Variants in TRIM28 observed in about 807,000 individuals in gnomAD.
TRIM28 encodes tripartite motif containing 28.
A neutral mutation model predicts 87.4 loss-of-function variants in TRIM28; 8 were observed. The observed-to-expected ratio is 0.09, with a 90% CI of 0.05 to 0.17. The LOEUF (loss-of-function observed/expected upper bound fraction) is 0.17, where lower values mean the gene tolerates loss of function less well. Among genes scored for constraint, TRIM28 ranks in the 10% least tolerant of loss-of-function variants. The pLI, the probability that TRIM28 is intolerant of heterozygous loss-of-function variation, is 1.00. For synonymous variants in TRIM28, 601 were observed against 454.3 expected (o/e 1.32, Z -4.11); for missense variants, 968 against 1,131.8 (o/e 0.86, Z 2.08).
In TRIM28 at chr19:58,547,706, C is replaced by T. The variant is rs2053773630; in HGVS notation, c.832C>T (p.Arg278Cys). ...ATTGCAGAAGAGCACCAAGGAGGTT[C>T]GCAGCTCGTAAGTGTGGGTTCTGGG... Reference protein sequence around the residue: ...ATLQKSTKEVRSSIRQVSDVQ... With the variant: ...ATLQKSTKEVCSSIRQVSDVQ... Residue 278 changes from arginine (R) to cysteine (C), a missense_variant, in exon 5 of 17, where the codon CGC becomes TGC. By Grantham distance (180) the Arg-to-Cys change is radical. Transcript: ENST00000253024. 8 of 1,614,072 alleles carry T rather than the reference C, an allele frequency of 5.0e-6. No individual in the cohort carries two copies. Among genetic ancestry groups the T allele is most frequent in the Non-Finnish European group, 5.9e-6 (7 of 1,180,024 alleles).
In TRIM28 at chr19:58,550,480, C is replaced by T. The variant is rs200265199; in HGVS notation, c.2435C>T (p.Pro812Leu). The change falls in exon 17 of 17, where the codon CCC becomes CTC. Residue 812 changes from proline to leucine, a missense_variant. By Grantham distance (98) the Pro-to-Leu change is moderately conservative. Around this residue, in one of 11 missense-constraint regions of TRIM28, gnomAD observed 192 missense variants for 225.6 expected, o/e 0.85. Coordinates refer to ENST00000253024, the MANE Select transcript of TRIM28 (RefSeq NM_005762.3). Reference sequence around the variant, plus strand: ...AAGTTCTCTGCTGTGCTGGTGGAGCCCCCGCCGATGAGCCTGCCTGGTGCT... The same window carrying T: ...AAGTTCTCTGCTGTGCTGGTGGAGCTCCCGCCGATGAGCCTGCCTGGTGCT... ...DTKFSAVLVEPPPMSLPGAGL... is the reference protein window; with the variant it reads ...DTKFSAVLVELPPMSLPGAGL... 1 of 1,612,556 alleles carries T rather than the reference C, an allele frequency of 6.2e-7. No individual in the cohort carries two copies. The highest frequency in any genetic ancestry group is 8.5e-7 in the Non-Finnish European group (1 of 1,179,972).
rs1366499037 is a variant in TRIM28, at chr19:58,545,490, C to T, written c.406C>T (p.Arg136Cys). Residue 136 changes from arginine to cysteine, a missense_variant, in exon 2 of 17, where the codon CGT becomes TGT. This residue lies in a region of TRIM28 where 51 missense variants were observed against 69.3 expected (regional missense o/e 0.74). Coordinates refer to ENST00000253024, the MANE Select transcript of TRIM28 (RefSeq NM_005762.3). ...SKDIVENYFM[R>C]DSGSKAATDA... ...AGACATCGTGGAGAATTATTTCATGCGTGATAGTGGCAGCAAGGCTGCCAC... is the reference window on the plus strand; with the variant it reads ...AGACATCGTGGAGAATTATTTCATGTGTGATAGTGGCAGCAAGGCTGCCAC... 3 of 1,604,418 alleles carry T rather than the reference C, an allele frequency of 1.9e-6. No individual in the cohort carries two copies. The highest frequency in any genetic ancestry group is 1.1e-5 in the South Asian group (1 of 90,974).
intron 3 of TRIM28, 191 bp from the exon 4 acceptor site, chr19:58,547,185 G>GAGAAGCTAGAAGAAAGGGATGT: frequency 6.3e-6 from 4 of 638,386 alleles, no homozygotes; most frequent in Non-Finnish European, 1.1e-5. Context: ...CAGCTATGTT[G>GAGAAGCTAGAAGAAAGGGATGT]GGGCAGAGGA....
At chr19:58,546,917 G>A (rs907378932) in intron 3 of TRIM28, among the ~76,000 whole-genome samples, 1 of 152,098 alleles carries the variant, frequency 6.6e-6, no homozygotes, top group Non-Finnish European at 1.5e-5. Flanking sequence ...CCCTTGGATT[G>A]TAAGAGACCC....
chr19:58,544,974 C>T lies in TRIM28; in HGVS notation c.217C>T (p.Arg73Ter), dbSNP rs1256391898. Reference protein sequence around the residue: ...EHCGVCRERLRPEREPRLLPC... With the variant: ...EHCGVCRERL ...CTGCGGCGTGTGCAGAGAGCGCCTG[C>T]GACCCGAGAGGGAGCCCCGCCTGCT... The change falls in exon 1 of 17, where the codon CGA becomes TGA. Residue 73 changes from arginine (R) to a stop codon, truncating the protein, a stop_gained. Transcript: ENST00000253024. LOFTEE classifies it high-confidence loss of function. The T allele has an allele frequency of 6.6e-7, 1 of 1,514,262 alleles. No homozygotes were observed. The highest frequency in any genetic ancestry group is 2.2e-5 in the Admixed American group (1 of 46,126). 93.8% of individuals were successfully genotyped at this position (1,514,262 alleles called of 1,614,324 possible).
chr19:58,545,105 C>G lies in TRIM28; in HGVS notation c.340+8C>G, dbSNP rs1017287246. On this transcript the variant is annotated splice_region_variant and intron_variant, in intron 1 of 16. Coordinates refer to ENST00000253024, the MANE Select transcript of TRIM28 (RefSeq NM_005762.3). ...CGGCGGGCGACGGCACCGGTAAGTACGAAGTGATCGGTGCCACCCCTCCCC... is the reference window on the plus strand; with the variant it reads ...CGGCGGGCGACGGCACCGGTAAGTAGGAAGTGATCGGTGCCACCCCTCCCC... 17 of 1,410,404 alleles carry G rather than the reference C, an allele frequency of 1.2e-5. No homozygotes were observed. The African/African-American group carries it at 2.1e-4, about 17-fold the overall frequency. 87.4% of individuals were successfully genotyped at this position (1,410,404 alleles called of 1,614,324 possible).
At position 58,548,281 on chromosome 19, in the gene TRIM28, C is replaced by T; in HGVS notation, c.1102-13C>T. The T allele has an allele frequency of 6.2e-7, 1 of 1,614,006 alleles. No homozygotes were observed. Among genetic ancestry groups the T allele is most frequent in the South Asian group, 1.1e-5 (1 of 91,062 alleles). On this transcript the variant is annotated splice_polypyrimidine_tract_variant and intron_variant, in intron 7 of 16. Transcript: ENST00000253024. Reference sequence around the variant, plus strand: ...GGTGTGCTCATTCTTTCCTCCCTTTCACTCCCAACCAGATCTACTTCCAGC... The same window carrying T: ...GGTGTGCTCATTCTTTCCTCCCTTTTACTCCCAACCAGATCTACTTCCAGC...
At position 58,548,793 on chromosome 19, in the gene TRIM28, A is replaced by G; in HGVS notation, c.1360+17A>G. 2 of 1,613,994 alleles carry G rather than the reference A, an allele frequency of 1.2e-6. No individual in the cohort carries two copies. Among genetic ancestry groups the G allele is most frequent in the Non-Finnish European group, 1.7e-6 (2 of 1,179,948 alleles). On this transcript the variant is annotated intron_variant, in intron 10 of 16. Transcript: ENST00000253024. ...TTGGGTCAGGTGAGTGGGTCTGCCT[A>G]GTGGGTGGGGAAGGGCCCCAGTGCT...
rs2053779376 is a variant in TRIM28, at chr19:58,548,291, C to G, written c.1102-3C>G. 1 of 1,613,962 alleles carries G rather than the reference C, an allele frequency of 6.2e-7. No homozygotes were observed. Among genetic ancestry groups the G allele is most frequent in the Admixed American group, 1.7e-5 (1 of 60,002 alleles). ...TTCTTTCCTCCCTTTCACTCCCAAC[C>G]AGATCTACTTCCAGCTGCACCGGGC... On this transcript the variant is annotated splice_polypyrimidine_tract_variant and splice_region_variant and intron_variant, in intron 7 of 16. Coordinates refer to ENST00000253024, the MANE Select transcript of TRIM28 (RefSeq NM_005762.3).
Position 58,548,567 on chromosome 19 carries a change from G to A in TRIM28, c.1298G>A (p.Ser433Asn). 6.2e-7 allele frequency: 1 copy of A among 1,611,798 alleles called. No homozygotes were observed. Among genetic ancestry groups the A allele is most frequent in the Middle Eastern group, 1.7e-4 (1 of 6,048 alleles). The change falls in exon 9 of 17, where the codon AGC becomes AAC. Residue 433 changes from serine to asparagine, a missense_variant. Ser to Asn is a conservative substitution (Grantham distance 46). Coordinates refer to ENST00000253024, the MANE Select transcript of TRIM28 (RefSeq NM_005762.3). ...MAPPRAPGPL[S>N]KQGSGSSQPM... ...CCTCCAAGAGCCCCAGGGCCCCTGA[G>A]CAAGCAGGGCTCTGGCAGCAGCCAG...
rs1391037859 is a variant in TRIM28 at position 58,549,565 on chromosome 19, A to C, written c.1897A>C (p.Lys633Gln). 1 of 1,614,074 alleles carries C rather than the reference A, an allele frequency of 6.2e-7. No individual in the cohort carries two copies. The highest frequency in any genetic ancestry group is 8.5e-7 in the Non-Finnish European group (1 of 1,179,992). ...DSATICRVCQ[K>Q]PGDLVMCNQC... Reference sequence around the variant, plus strand: ...TGCCACCATTTGCCGTGTCTGCCAGAAGCCAGGCGATCTGGTTATGTGCAA... The same window carrying C: ...TGCCACCATTTGCCGTGTCTGCCAGCAGCCAGGCGATCTGGTTATGTGCAA... The change falls in exon 13 of 17, where the codon AAG becomes CAG. Residue 633 changes from lysine (K) to glutamine (Q), a missense_variant. By Grantham distance (53) the Lys-to-Gln change is moderately conservative (BLOSUM62 1). Around this residue, in one of 11 missense-constraint regions of TRIM28, gnomAD observed 164 missense variants for 146.2 expected, o/e 1.12. Transcript: ENST00000253024. The surrounding 1 kb of genome is among the most constrained non-coding windows in gnomAD (Gnocchi z 4.4).
At position 58,544,796 on chromosome 19, in the gene TRIM28, C is replaced by G. The variant is rs11546268; in HGVS notation, c.39C>G (p.Ala13=). The change falls in exon 1 of 17, where the codon GCC becomes GCG. Residue 13 remains alanine, a synonymous_variant. Transcript: ENST00000253024. ...ASAAAASAAA[A]SAASGSPGPG... is the part of the protein sequence containing the mutation. ...CGGCGGCAGCCTCGGCAGCAGCGGCCTCGGCCGCCTCTGGCAGCCCGGGCC... is the reference window on the plus strand; with the variant it reads ...CGGCGGCAGCCTCGGCAGCAGCGGCGTCGGCCGCCTCTGGCAGCCCGGGCC... 1 of 1,203,336 alleles carries G rather than the reference C, an allele frequency of 8.3e-7. No individual in the cohort carries two copies. 74.5% of individuals were successfully genotyped at this position (1,203,336 alleles called of 1,614,324 possible).
intron 1 of TRIM28, 132 bp downstream of exon 1, chr19:58,545,229 T>C: frequency 8.4e-6 from 8 of 954,866 alleles, no homozygotes; most frequent in Non-Finnish European, 1.1e-5. Flanking sequence ...ACTTTCTGGG[T>C]CCTGCATACG....
intron 3 of TRIM28, 164 bp from the exon 4 acceptor site, chr19:58,547,212 T>C: frequency 1.3e-6 from 1 of 744,168 alleles, no homozygotes; most frequent in African/African-American, 1.8e-5. Context: ...GAGCAAGGAG[T>C]TGGGCTTGCA....
chr19:58,544,931 G>T lies in TRIM28; in HGVS notation c.174G>T (p.Ala58=), dbSNP rs559309749. Residue 58 remains alanine (A), a synonymous_variant, in exon 1 of 17, where the codon GCG becomes GCT. Coordinates refer to ENST00000253024, the MANE Select transcript of TRIM28 (RefSeq NM_005762.3). Reference sequence around the variant, plus strand: ...CGCCCGCGGGGGGCGGCGCCGAGGCGCTGGAGCTGCTGGAGCACTGCGGCG... The same window carrying T: ...CGCCCGCGGGGGGCGGCGCCGAGGCTCTGGAGCTGCTGGAGCACTGCGGCG... ...ASSPAGGGAE[A]LELLEHCGVC... 1.4e-4 allele frequency: 199 copies of T among 1,440,856 alleles called. 1 individual carries two copies. Among genetic ancestry groups the T allele is most frequent in the Admixed American group, 6.1e-4 (20 of 32,980 alleles). The allele number at this position is 1,440,856 out of a possible 1,614,324, so 89.3% of individuals were successfully genotyped here.
chr19:58,545,998 C>T (rs1274540304), intron 3 of TRIM28, 102 bp downstream of exon 3: 2 of 1,404,816 alleles, frequency 1.4e-6, no homozygotes, highest in African/African-American at 1.4e-5. Flanking sequence ...CTAGAGTTCT[C>T]TAGGGGGTGC....
At position 58,549,342 on chromosome 19, in the gene TRIM28, G is replaced by C; in HGVS notation, c.1674G>C (p.Thr558=). 1 of 1,566,004 alleles carries C rather than the reference G, an allele frequency of 6.4e-7. No homozygotes were observed. Among genetic ancestry groups the C allele is most frequent in the African/African-American group, 1.4e-5 (1 of 73,830 alleles). ...TCACCACCTTGCAGGAGGAGGAGAC[G>C]GAGGCTGCCATTGGAGCCCCTCCTA... ...AGMAIVKEEE[T]EAAIGAPPTA... Residue 558 remains threonine, a synonymous_variant, in exon 13 of 17, where the codon ACG becomes ACC. Coordinates refer to ENST00000253024, the MANE Select transcript of TRIM28 (RefSeq NM_005762.3). This position sits in a 1 kb window ranked among gnomAD's most constrained non-coding sequence, Gnocchi z 4.4.
rs904937376 is a variant in TRIM28 at position 58,547,760 on chromosome 19, C to T, written c.840-32C>T. ...GTGGGGGTGGCCCAGGGCAGCAAGA[C>T]CCTACCTAGCCTGACCTGCTGTGTC... On this transcript the variant is annotated intron_variant, in intron 5 of 16. Coordinates refer to ENST00000253024, the MANE Select transcript of TRIM28 (RefSeq NM_005762.3). The T allele has an allele frequency of 5.0e-6, 8 of 1,613,674 alleles. No homozygotes were observed. The African/African-American group carries it at 5.3e-5, about 11-fold the overall frequency.
In TRIM28 at chr19:58,547,694, A is replaced by G. The variant is rs780182893; in HGVS notation, c.820A>G (p.Thr274Ala). Residue 274 changes from threonine (T) to alanine (A), a missense_variant, in exon 5 of 17, where the codon ACC becomes GCC. Physicochemically the swap from Thr to Ala is moderately conservative, Grantham distance 58. Coordinates refer to ENST00000253024, the MANE Select transcript of TRIM28 (RefSeq NM_005762.3). ...GDKHATLQKS[T>A]KEVRSSIRQV... ...CAAACATGCAACATTGCAGAAGAGC[A>G]CCAAGGAGGTTCGCAGCTCGTAAGT... 13 of 1,614,134 alleles carry G rather than the reference A, an allele frequency of 8.1e-6. No homozygotes were observed. The highest frequency in any genetic ancestry group is 1.0e-5 in the Non-Finnish European group (12 of 1,180,038).
Sources: gnomAD v4.1 joint callset for allele counts (sites outside exome capture counted in the v4.1 genomes callset) on GRCh38, gnomAD v4.1.1 for gene constraint, gnomAD v4.1.1 regional missense constraint, Gnocchi (gnomAD v3.1) non-coding constraint, MANE v1.5 for transcripts, NCBI Gene and HGNC (gene_info 2026-07-23, HGNC 2026-07-21) for gene names.